Variants in BCKDHB observed in about 807,000 individuals in gnomAD.
BCKDHB encodes 2-oxoisovalerate dehydrogenase subunit beta, mitochondrial.
Under a neutral mutation model 48.5 loss-of-function variants are expected in BCKDHB, and 41 were observed. The observed-to-expected ratio is 0.85, with a 90% CI of 0.66 to 1.10. BCKDHB has a LOEUF of 1.10. BCKDHB is among the 50% of genes least tolerant of loss of function. BCKDHB has a pLI of 0.00. For missense variants in BCKDHB, 496 were observed against 494.2 expected (o/e 1.00, Z -0.03); for synonymous variants, 201 against 174.8 (o/e 1.15, Z -1.18).
intron 9 of BCKDHB, among the ~76,000 whole-genome samples, chr6:80,316,462 T>G (rs1269742034): frequency 6.6e-6 from 1 of 152,178 alleles, no homozygotes; most frequent in Non-Finnish European, 1.5e-5. Context: ...CTCCTTTTCA[T>G]CAGAACTTTT....
At chr6:80,361,928 T>G in the BCKDHB span, among the ~76,000 whole-genome samples, 1 of 152,044 alleles carries the variant, frequency 6.6e-6, no homozygotes, top group Non-Finnish European at 1.5e-5. Context: ...CTCCAGAGAG[T>G]AAAGTCCACA....
chr6:80,283,459 A>C (rs1252237234), intron 9 of BCKDHB, among the ~76,000 whole-genome samples: 1 of 152,086 alleles, frequency 6.6e-6, no homozygotes, highest in African/African-American at 2.4e-5. Context: ...TCAAAGGTGC[A>C]TTCATACCAA....
At chr6:80,164,688 AT>A (rs1244150927) in intron 3 of BCKDHB, among the ~76,000 whole-genome samples, 1 of 152,112 alleles carries the variant, frequency 6.6e-6, no homozygotes, top group African/African-American at 2.4e-5. Flanking sequence ...CAGTGTTATA[AT>A]TTTTCTATTA....
At chr6:80,458,334 G>C in the BCKDHB span, among the ~76,000 whole-genome samples, 2 of 152,192 alleles carry the variant, frequency 1.3e-5, no homozygotes, top group African/African-American at 4.8e-5. Flanking sequence ...TAAAGAAAAA[G>C]TGTTTGTGGG....
At chr6:80,151,384 A>G in intron 3 of BCKDHB, among the ~76,000 whole-genome samples, 1 of 152,240 alleles carries the variant, frequency 6.6e-6, no homozygotes, top group East Asian at 1.9e-4. Context: ...TTTCAGATTT[A>G]GAATATAATG....
the BCKDHB span, among the ~76,000 whole-genome samples, chr6:80,384,390 GCT>G: frequency 1.3e-5 from 2 of 148,970 alleles, no homozygotes; most frequent in African/African-American, 5.0e-5. Context: ...ATGGAGTCTC[GCT>G]CTGTCACCCA....
chr6:80,160,520 A>G (rs184400973), intron 3 of BCKDHB, among the ~76,000 whole-genome samples: 682 of 152,204 alleles, frequency 4.5e-3, no homozygotes, highest in African/African-American at 0.015. Context: ...TTGTGGCTGA[A>G]TGTTAGATAG....
intron 6 of BCKDHB, among the ~76,000 whole-genome samples, chr6:80,179,392 A>C (rs1773311033): frequency 6.6e-6 from 1 of 152,232 alleles, no homozygotes; most frequent in Non-Finnish European, 1.5e-5. Context: ...CTGAACATGT[A>C]CAGGCCTTTT....
intron 9 of BCKDHB, among the ~76,000 whole-genome samples, chr6:80,280,048 G>A (rs897907317): frequency 2.0e-5 from 3 of 152,184 alleles, no homozygotes; most frequent in Non-Finnish European, 2.9e-5. Context: ...GAATTAAAGT[G>A]GTTTTGTGTG....
At chr6:80,351,594 G>A in the BCKDHB span, among the ~76,000 whole-genome samples, 1 of 151,334 alleles carries the variant, frequency 6.6e-6, no homozygotes, top group Non-Finnish European at 1.5e-5. Context: ...GGGCCAATCA[G>A]AGCCCTTCTT....
the BCKDHB span, among the ~76,000 whole-genome samples, chr6:80,377,234 G>A: frequency 6.6e-6 from 1 of 151,850 alleles, no homozygotes; most frequent in Non-Finnish European, 1.5e-5. Context: ...TAGAGACGAG[G>A]TTTCACCATA....
chr6:80,160,891 CTTTTA>C (rs1032621490), intron 3 of BCKDHB, among the ~76,000 whole-genome samples: 4 of 152,210 alleles, frequency 2.6e-5, no homozygotes, highest in Admixed American at 2.0e-4. Context: ...ATATTTATTT[CTTTTA>C]TTTTAGTTAT....
the BCKDHB span, among the ~76,000 whole-genome samples, chr6:80,424,704 G>A: frequency 6.6e-6 from 1 of 152,062 alleles, no homozygotes; most frequent in Admixed American, 6.6e-5. Flanking sequence ...CCTTCTTTCA[G>A]CCTCAAAAGA....
At chr6:80,308,686 C>G (rs1467597073) in intron 9 of BCKDHB, among the ~76,000 whole-genome samples, 1 of 151,854 alleles carries the variant, frequency 6.6e-6, no homozygotes, top group Non-Finnish European at 1.5e-5. Flanking sequence ...GCTCCGCCTC[C>G]CAGGTTCACG....
the BCKDHB span, chr6:80,443,680 A>AT: frequency 1.3e-5 from 2 of 151,954 alleles, no homozygotes; most frequent in Non-Finnish European, 2.9e-5. Flanking sequence ...TTATTTATAT[A>AT]TTTTTTAACT....
At chr6:80,176,899 A>G (rs1773181931) in intron 6 of BCKDHB, among the ~76,000 whole-genome samples, 1 of 152,186 alleles carries the variant, frequency 6.6e-6, no homozygotes, top group African/African-American at 2.4e-5. Flanking sequence ...AAACCCATGT[A>G]GACTTTAAAT....
At chr6:80,309,675 A>G (rs1768056162) in intron 9 of BCKDHB, among the ~76,000 whole-genome samples, 3 of 152,082 alleles carry the variant, frequency 2.0e-5, no homozygotes, top group African/African-American at 7.2e-5. Flanking sequence ...TTTCTCTTCC[A>G]TACTAAAATG....
At chr6:80,424,647 CATT>C in the BCKDHB span, among the ~76,000 whole-genome samples, 2 of 152,150 alleles carry the variant, frequency 1.3e-5, no homozygotes, top group Non-Finnish European at 2.9e-5. Flanking sequence ...GATTTATTCA[CATT>C]AGTGATACAT....
At chr6:80,374,209 T>C in the BCKDHB span, 1 of 730,852 alleles carries the variant, frequency 1.4e-6, no homozygotes, top group Non-Finnish European at 2.5e-6. Flanking sequence ...TTAGATGCTT[T>C]ATTCATTTGG....
Sources: gnomAD v4.1 joint callset for allele counts (sites outside exome capture counted in the v4.1 genomes callset) on GRCh38, gnomAD v4.1.1 for gene constraint, MANE v1.5 for transcripts, NCBI Gene and HGNC (gene_info 2026-07-23, HGNC 2026-07-21) for gene names.